The following TACC2 variants were observed in gnomAD, a reference collection of about 807,000 sequenced individuals.
The protein encoded by TACC2 is transforming acidic coiled-coil containing protein 2.
In TACC2, 137 loss-of-function variants were observed where a neutral mutation model predicts 227.3. That is an observed-to-expected ratio of 0.60 (90% CI 0.52 to 0.69). TACC2 has a LOEUF of 0.69. Ranked by LOEUF, TACC2 falls within the 30% of genes least tolerant of loss-of-function variation. The pLI, the probability that TACC2 is intolerant of heterozygous loss-of-function variation, is 0.00. For missense variants in TACC2, 3,470 were observed against 3,694.4 expected, an observed-to-expected ratio of 0.94 and a Z score of 1.57; for synonymous variants, 1,523 against 1,487.5, an observed-to-expected ratio of 1.02 and a Z score of -0.55.
At chr10:122,070,950 A>G (rs2077988855) in intron 3 of TACC2, among the ~76,000 whole-genome samples, 1 of 151,966 alleles carries the variant, frequency 6.6e-6, no homozygotes, top group Admixed American at 6.6e-5. Flanking sequence ...TATAACAAAA[A>G]TACGTTTACC....
At chr10:122,008,701 T>C (rs192184265) in intron 1 of TACC2, among the ~76,000 whole-genome samples, 40 of 152,256 alleles carry the variant, frequency 2.6e-4, no homozygotes, top group African/African-American at 9.1e-4. Flanking sequence ...GCCTCCCAAG[T>C]AGCTGGGATT....
chr10:122,214,696 G>T (rs1593437691), intron 9 of TACC2, among the ~76,000 whole-genome samples: 1 of 152,164 alleles, frequency 6.6e-6, no homozygotes, highest in African/African-American at 2.4e-5. Flanking sequence ...GTCTGATTTG[G>T]TGGTTTCCTT....
Position 122,143,597 on chromosome 10 carries a change from G to A in TACC2, c.5725G>A (p.Gly1909Ser), listed in dbSNP as rs1364062338. 1 of 1,614,104 alleles carries A rather than the reference G, an allele frequency of 6.2e-7. No homozygotes were observed. The highest frequency in any genetic ancestry group is 8.5e-7 in the Non-Finnish European group (1 of 1,179,954). The part of the protein sequence containing the change: ...QSISPAAAHA[G>S]LPPSAAEHIV... ...CATCTCCCCAGCTGCTGCCCATGCG[G>A]GTCTTCCTCCCTCGGCTGCAGAACA... The change falls in exon 7 of 23, where the codon GGT (glycine) becomes AGT (serine). Residue 1909 changes from glycine to serine, a missense_variant. Physicochemically the swap from Gly to Ser is moderately conservative, Grantham distance 56. This residue lies in a region of TACC2 where 1,924 missense variants were observed against 1,978.3 expected (regional missense o/e 0.97). Coordinates refer to ENST00000369005, the MANE Select transcript of TACC2 (RefSeq NM_206862.4).
intron 2 of TACC2, chr10:122,033,274 T>C (rs1959184220): frequency 7.8e-6 from 4 of 510,148 alleles, no homozygotes; most frequent in Non-Finnish European, 1.3e-5. Context: ...CTCCTCCCTC[T>C]TCCATTGCTT....
chr10:122,196,462 T>C (rs935794085), intron 8 of TACC2, among the ~76,000 whole-genome samples: 2 of 151,918 alleles, frequency 1.3e-5, no homozygotes, highest in African/African-American at 4.8e-5. Flanking sequence ...TGCCAGACTC[T>C]GGGAGGATAG....
intron 6 of TACC2, among the ~76,000 whole-genome samples, chr10:122,142,109 G>A (rs2090658858): frequency 6.6e-6 from 1 of 152,198 alleles, no homozygotes; most frequent in Non-Finnish European, 1.5e-5. Flanking sequence ...GTTTTGCTGG[G>A]TTTCCTCCAA....
At chr10:122,112,818 G>C (rs2083856579) in intron 5 of TACC2, among the ~76,000 whole-genome samples, 1 of 152,072 alleles carries the variant, frequency 6.6e-6, no homozygotes, top group Admixed American at 6.5e-5. Flanking sequence ...ATCGGTCCGT[G>C]CGTCTCTCGC....
At chr10:122,160,456 G>T (rs919032260) in intron 7 of TACC2, among the ~76,000 whole-genome samples, 2 of 152,156 alleles carry the variant, frequency 1.3e-5, no homozygotes, top group Non-Finnish European at 2.9e-5. Flanking sequence ...TGCTAGCATG[G>T]TTGGGTTCCT....
rs568918682 is a variant in TACC2 at position 122,068,810 on chromosome 10, C to T, written c.147-13837C>T. Among the ~76,000 whole-genome samples, 17 of 151,484 alleles carry T rather than the reference C, an allele frequency of 1.1e-4. No homozygotes were observed. In the East Asian group the frequency reaches 1.2e-3, roughly 10 times the overall value. On this transcript the variant is annotated intron_variant, in intron 3 of 22. Coordinates refer to ENST00000369005, the MANE Select transcript of TACC2 (RefSeq NM_206862.4). Reference sequence around the variant, plus strand: ...TCCTGAGTAGCTAGGACTACAGACGCGCTCCACCACACCTGGCATTTTTCT... The same window carrying T: ...TCCTGAGTAGCTAGGACTACAGACGTGCTCCACCACACCTGGCATTTTTCT...
intron 11 of TACC2, among the ~76,000 whole-genome samples, chr10:122,219,018 C>CAA (rs61446434): frequency 6.7e-5 from 5 of 74,686 alleles, no homozygotes; most frequent in East Asian, 8.4e-4. Context: ...AGACTCGTCT[C>CAA]AAAAAAAAAA....
chr10:122,170,737 C>T (rs891641244), intron 7 of TACC2, among the ~76,000 whole-genome samples: 3 of 152,204 alleles, frequency 2.0e-5, no homozygotes, highest in Admixed American at 1.3e-4. Flanking sequence ...CCCTTGCTAG[C>T]GCCTCCAGGC....
At chr10:122,080,560 T>C (rs1161471096) in intron 3 of TACC2, among the ~76,000 whole-genome samples, 1 of 152,088 alleles carries the variant, frequency 6.6e-6, no homozygotes, top group Non-Finnish European at 1.5e-5. Flanking sequence ...AGAACACCAG[T>C]CCTATCAGAT....
chr10:122,025,840 C>T (rs1957929630), intron 2 of TACC2, among the ~76,000 whole-genome samples: 2 of 151,348 alleles, frequency 1.3e-5, no homozygotes, highest in South Asian at 4.2e-4. Flanking sequence ...GCCCAAAGTG[C>T]TGGGATTACA....
At chr10:122,057,986 G>T (rs1345288997) in intron 3 of TACC2, among the ~76,000 whole-genome samples, 1 of 152,152 alleles carries the variant, frequency 6.6e-6, no homozygotes, top group Non-Finnish European at 1.5e-5. Context: ...TCCACCACTG[G>T]TTTCAGCTAG....
intron 1 of TACC2, among the ~76,000 whole-genome samples, chr10:121,996,751 G>A (rs967126809): frequency 1.3e-5 from 2 of 152,180 alleles, no homozygotes; most frequent in African/African-American, 2.4e-5. Context: ...AGGGAAAGAT[G>A]TTAAGTGGAC....
intron 5 of TACC2, chr10:122,126,768 TCTC>T (rs1036122391): frequency 6.6e-6 from 1 of 152,076 alleles, no homozygotes; most frequent in African/African-American, 2.4e-5. Flanking sequence ...ATTCAGCTAT[TCTC>T]CTCTCAGGAC....
At chr10:122,232,578 A>T (rs973881295) in intron 16 of TACC2, among the ~76,000 whole-genome samples, 1 of 152,214 alleles carries the variant, frequency 6.6e-6, no homozygotes, top group Non-Finnish European at 1.5e-5. Context: ...TCAAAGGAGT[A>T]TTCTGTGACT....
rs187488367 is a variant in TACC2, at chr10:122,177,784, C to T, written c.5835-17256C>T. On this transcript the variant is annotated intron_variant, in intron 7 of 22. Coordinates refer to ENST00000369005, the MANE Select transcript of TACC2 (RefSeq NM_206862.4). The stretch of plus-strand genomic sequence containing the variant: ...TACAGGGGCGAAACTTGGGAATGGC[C>T]CTTCCAGAACTGCCATGGTCCCTGC... Among the ~76,000 whole-genome samples, 300 of 152,148 alleles carry T rather than the reference C, an allele frequency of 2.0e-3. 2 individuals are homozygous for T. Among genetic ancestry groups the T allele is most frequent in the Admixed American group, 3.7e-3 (57 of 15,272 alleles).
chr10:122,116,428 C>G (rs1023481802), intron 5 of TACC2, among the ~76,000 whole-genome samples: 2 of 152,128 alleles, frequency 1.3e-5, no homozygotes, highest in African/African-American at 4.8e-5. Flanking sequence ...TTGAGAAAGC[C>G]CAGAATTTAT....
Sources: gnomAD v4.1 joint callset for allele counts (sites outside exome capture counted in the v4.1 genomes callset) on GRCh38, gnomAD v4.1.1 for gene constraint, gnomAD v4.1.1 regional missense constraint, MANE v1.5 for transcripts, NCBI Gene and HGNC (gene_info 2026-07-23, HGNC 2026-07-21) for gene names.